Variants in HMCN1 observed in about 807,000 individuals in gnomAD.
HMCN1 encodes the protein hemicentin-1.
A neutral mutation model predicts 625.9 loss-of-function variants in HMCN1; 321 were observed. The ratio of observed to expected loss-of-function variants is 0.51; its 90% CI spans 0.47 to 0.56. The LOEUF is 0.56. Among genes scored for constraint, HMCN1 ranks in the 20% least tolerant of loss-of-function variants. The pLI is 0.00. For missense variants in HMCN1, 6,588 were observed against 6,887.3 expected (o/e 0.96, Z 1.54); for synonymous variants, 2,425 against 2,417.6 (o/e 1.00, Z -0.09).
chr1:185,798,327 C>T (rs568435461), intron 1 of HMCN1, among the ~76,000 whole-genome samples: 1 of 152,290 alleles, frequency 6.6e-6, no homozygotes, highest in Non-Finnish European at 1.5e-5. Flanking sequence ...CTCTTGCTGA[C>T]TTTAGGCTGA....
intron 4 of HMCN1, among the ~76,000 whole-genome samples, chr1:185,866,938 G>T (rs1485426650): frequency 2.0e-5 from 3 of 151,808 alleles, no homozygotes; most frequent in Non-Finnish European, 4.4e-5. Context: ...GTGTGCCATG[G>T]CATAATTCAT....
At chr1:186,159,759 A>G (rs1202187930) in intron 97 of HMCN1, among the ~76,000 whole-genome samples, 1 of 152,180 alleles carries the variant, frequency 6.6e-6, no homozygotes, top group African/African-American at 2.4e-5. Flanking sequence ...CTTGCATCCC[A>G]GGGATGAAGC....
chr1:185,803,616 C>T (rs56203695), intron 1 of HMCN1, among the ~76,000 whole-genome samples: 1 of 152,012 alleles, frequency 6.6e-6, no homozygotes, highest in Non-Finnish European at 1.5e-5. Context: ...GCAGAAAGGG[C>T]ACTTTTGAAT....
Position 185,997,432 on chromosome 1 carries a change from C to T in HMCN1, c.3782C>T (p.Pro1261Leu). Residue 1261 changes from proline (P) to leucine (L), a missense_variant, in exon 25 of 107, where the codon CCA becomes CTA. Transcript: ENST00000271588. Reference protein sequence around the residue: ...ETEITLHVQEPPTVEDLEPPY... With the variant: ...ETEITLHVQELPTVEDLEPPY... ...AATGCATTTATTTTCCTAATAGAAC[C>T]ACCCACAGTGGAAGATCTAGAACCT... 1 of 1,604,898 alleles carries T rather than the reference C, an allele frequency of 6.2e-7. No individual in the cohort carries two copies. Among genetic ancestry groups the T allele is most frequent in the East Asian group, 2.2e-5 (1 of 44,754 alleles).
intron 4 of HMCN1, among the ~76,000 whole-genome samples, chr1:185,876,640 G>A (rs1023599157): frequency 6.6e-6 from 1 of 151,684 alleles, no homozygotes; most frequent in Admixed American, 6.6e-5. Context: ...TTTGGTTTTC[G>A]TTCACATTTC....
chr1:186,004,588 T>A (rs1653417465), intron 29 of HMCN1, among the ~76,000 whole-genome samples: 1 of 152,156 alleles, frequency 6.6e-6, no homozygotes, highest in Admixed American at 6.6e-5. Context: ...AATAAAATTT[T>A]GTTATTTACA....
At chr1:186,114,209 A>G (rs1226671914) in intron 73 of HMCN1, 86 bp downstream of exon 73, 4 of 1,356,958 alleles carry the variant, frequency 2.9e-6, no homozygotes, top group Non-Finnish European at 4.2e-6. Flanking sequence ...TTTTGGTCTC[A>G]TTATGTTTAG....
Position 185,820,751 on chromosome 1 carries a change from T to C in HMCN1, c.269-25275T>C, listed in dbSNP as rs935219626. On this transcript the variant is annotated intron_variant, in intron 1 of 106. Transcript: ENST00000271588. ...GCATCTGTCATCAGAGAGTACTTTATGGGAAACAATGTCAATAGAATATGT... is the reference window on the plus strand; with the variant it reads ...GCATCTGTCATCAGAGAGTACTTTACGGGAAACAATGTCAATAGAATATGT... Among the ~76,000 whole-genome samples the C allele has an allele frequency of 7.0e-4, 107 of 152,198 alleles. 1 individual carries two copies. Among genetic ancestry groups the C allele is most frequent in the African/African-American group, 2.6e-3 (106 of 41,556 alleles).
intron 1 of HMCN1, among the ~76,000 whole-genome samples, chr1:185,771,963 C>T (rs1656270650): frequency 6.6e-6 from 1 of 151,940 alleles, no homozygotes; most frequent in Non-Finnish European, 1.5e-5. Context: ...TAGAAGTAAC[C>T]AAAAATGAAA....
intron 1 of HMCN1, among the ~76,000 whole-genome samples, chr1:185,831,618 C>CT (rs1409734373): frequency 4.6e-5 from 7 of 151,908 alleles, no homozygotes; most frequent in African/African-American, 1.7e-4. Flanking sequence ...ATCTGAAAAG[C>CT]TGAAAAGTCT....
chr1:185,866,090 T>C (rs1231184675), intron 4 of HMCN1, among the ~76,000 whole-genome samples: 2 of 152,218 alleles, frequency 1.3e-5, no homozygotes, highest in Non-Finnish European at 2.9e-5. Context: ...CTAAATTTAA[T>C]TGAATTTAAC....
Position 185,928,599 on chromosome 1 carries a change from G to T in HMCN1, c.1484G>T (p.Gly495Val). 1 of 1,613,470 alleles carries T rather than the reference G, an allele frequency of 6.2e-7. No homozygotes were observed. Among genetic ancestry groups the T allele is most frequent in the Non-Finnish European group, 8.5e-7 (1 of 1,179,452 alleles). The part of the protein sequence containing the change: ...DIAKVTLSDE[G>V]FYECIAVSSA... ...GCAAAGGTCACTTTGTCTGACGAAG[G>T]TTTCTATGAATGCATTGCTGTCAGC... Residue 495 changes from glycine to valine, a missense_variant, in exon 10 of 107, where the codon GGT (glycine) becomes GTT (valine). Gly to Val is a moderately radical substitution (Grantham distance 109). Transcript: ENST00000271588.
At chr1:186,122,862 AT>A in intron 80 of HMCN1, 88 bp from the exon 81 acceptor site, 1 of 1,361,740 alleles carries the variant, frequency 7.3e-7, no homozygotes, top group Non-Finnish European at 1.0e-6. Flanking sequence ...TTTCTTATCA[AT>A]GTTTGCTAGA....
rs201819746 is a variant in HMCN1 at position 186,165,162 on chromosome 1, C to T, written c.15308C>T (p.Pro5103Leu). 6.2e-7 allele frequency: 1 copy of T among 1,613,606 alleles called. No individual in the cohort carries two copies. Among genetic ancestry groups the T allele is most frequent in the East Asian group, 2.2e-5 (1 of 44,878 alleles). ...GGGTTTACCTTAGACTCAGTTGGAC[C>T]TTTTTGTGCTGGTAAGTACAGAGAT... Reference protein sequence around the residue: ...PSGFTLDSVGPFCADEDECAA... With the variant: ...PSGFTLDSVGLFCADEDECAA... The change falls in exon 98 of 107, where the codon CCT (proline) becomes CTT (leucine). Residue 5103 changes from proline to leucine, a missense_variant. By Grantham distance (98) the Pro-to-Leu change is moderately conservative. Around this residue, in one of 3 missense-constraint regions of HMCN1, gnomAD observed 1,954 missense variants for 2,013.1 expected, o/e 0.97. Coordinates refer to ENST00000271588, the MANE Select transcript of HMCN1 (RefSeq NM_031935.3).
chr1:186,011,144 C>A (rs1239871737), intron 30 of HMCN1, among the ~76,000 whole-genome samples: 29 of 152,124 alleles, frequency 1.9e-4, no homozygotes. Flanking sequence ...CTCTTCGGTT[C>A]AAGTGATTCT....
At chr1:185,837,632 T>C (rs928733190) in intron 1 of HMCN1, among the ~76,000 whole-genome samples, 1 of 152,180 alleles carries the variant, frequency 6.6e-6, no homozygotes, top group African/African-American at 2.4e-5. Flanking sequence ...ATCGATCTGA[T>C]ATATATTCTT....
At position 186,171,458 on chromosome 1, in the gene HMCN1, A is replaced by T; in HGVS notation, c.15688+8A>T. The T allele has an allele frequency of 6.3e-7, 1 of 1,583,332 alleles. No homozygotes were observed. Among genetic ancestry groups the T allele is most frequent in the Non-Finnish European group, 8.7e-7 (1 of 1,152,276 alleles). On this transcript the variant is annotated splice_region_variant and intron_variant, in intron 101 of 106. Coordinates refer to ENST00000271588, the MANE Select transcript of HMCN1 (RefSeq NM_031935.3). The stretch of plus-strand genomic sequence containing the variant: ...AAGGCAGAAAATGCATGGGTAAGAA[A>T]AGGGCTTTGAATTTAAAGGAATGAC...
chr1:185,923,952 T>C (rs889875331), intron 8 of HMCN1, among the ~76,000 whole-genome samples: 3 of 152,182 alleles, frequency 2.0e-5, no homozygotes, highest in African/African-American at 7.2e-5. Context: ...CAGGCAGATA[T>C]ATTTGCTTAA....
At chr1:185,897,593 G>T (rs1480384386) in intron 4 of HMCN1, among the ~76,000 whole-genome samples, 1 of 152,100 alleles carries the variant, frequency 6.6e-6, no homozygotes, top group Non-Finnish European at 1.5e-5. Context: ...TTCTCCCTCT[G>T]CTCATCCGTT....
Sources: allele counts gnomAD v4.1 joint callset (sites outside exome capture counted in the v4.1 genomes callset), GRCh38; gene constraint gnomAD v4.1.1; regional missense constraint gnomAD v4.1.1; transcripts MANE v1.5; gene names NCBI Gene and HGNC (gene_info 2026-07-23, HGNC 2026-07-21).